The following BMPER variants were observed in gnomAD, a reference collection of about 807,000 sequenced individuals.
BMPER encodes BMP binding endothelial regulator.
Under a neutral mutation model 87.3 loss-of-function variants are expected in BMPER, and 45 were observed. The ratio of observed to expected loss-of-function variants is 0.52; its 90% CI spans 0.41 to 0.66. The LOEUF (loss-of-function observed/expected upper bound fraction) is 0.66, where lower values mean the gene tolerates loss of function less well. Ranked by LOEUF, BMPER falls within the 30% of genes least tolerant of loss-of-function variation. The probability of loss-of-function intolerance (pLI) is 0.00; values close to 1 mark genes in which losing one functional copy is unlikely to be tolerated. For missense variants in BMPER, 784 were observed against 867.5 expected, an observed-to-expected ratio of 0.90 and a Z score of 1.21; for synonymous variants, 326 against 316.2, an observed-to-expected ratio of 1.03 and a Z score of -0.33.
intron 13 of BMPER, among the ~76,000 whole-genome samples, chr7:34,128,587 G>A (rs1233015869): frequency 6.6e-6 from 1 of 152,170 alleles, no homozygotes; most frequent in Admixed American, 6.5e-5. Flanking sequence ...GGCATGATAG[G>A]AATACTTCTG....
chr7:33,978,693 G>A (rs147246758), intron 6 of BMPER, among the ~76,000 whole-genome samples: 21 of 152,232 alleles, frequency 1.4e-4, no homozygotes, highest in African/African-American at 5.1e-4. Flanking sequence ...TCTGATAAAT[G>A]CATTGTAAGT....
chr7:34,132,547 T>C (rs1315350724), intron 13 of BMPER, among the ~76,000 whole-genome samples: 3 of 152,220 alleles, frequency 2.0e-5, no homozygotes, highest in Non-Finnish European at 4.4e-5. Flanking sequence ...CTCTTGGTGT[T>C]TGTTGAGGGG....
chr7:34,151,075 A>T (rs1410755419), intron 14 of BMPER, among the ~76,000 whole-genome samples: 1 of 152,160 alleles, frequency 6.6e-6, no homozygotes, highest in East Asian at 1.9e-4. Context: ...AAGCTAGATA[A>T]TGGCACCAGA....
chr7:34,092,878 G>A (rs1208641684), intron 13 of BMPER, among the ~76,000 whole-genome samples: 1 of 152,136 alleles, frequency 6.6e-6, no homozygotes, highest in African/African-American at 2.4e-5. Context: ...CTTGAAGAAA[G>A]ACAAATACTG....
At chr7:34,029,964 AAAAGGGTCATGTTG>A (rs1172945898) in intron 6 of BMPER, among the ~76,000 whole-genome samples, 1 of 152,106 alleles carries the variant, frequency 6.6e-6, no homozygotes, top group Non-Finnish European at 1.5e-5. Context: ...ATAGAATTGG[AAAAGGGTCATGTTG>A]AAACCTAGAA....
rs775069844 is a variant in BMPER, at chr7:33,905,638, G to A, written c.25G>A (p.Ala9Thr). ...GATGCTCTGGTTCTCCGGCGTCGGG[G>A]CTCTGGCTGAGCGTTACTGCCGCCG... Reference protein sequence around the residue: MLWFSGVGALAERYCRRSP... With the variant: MLWFSGVGTLAERYCRRSP... The change falls in exon 1 of 15, where the codon GCT (alanine) becomes ACT (threonine). Residue 9 changes from alanine to threonine, a missense_variant. By Grantham distance (58) the Ala-to-Thr change is moderately conservative (BLOSUM62 0). Transcript: ENST00000649409. 3 of 1,613,106 alleles carry A rather than the reference G, an allele frequency of 1.9e-6. No homozygotes were observed. The highest frequency in any genetic ancestry group is 2.5e-6 in the Non-Finnish European group (3 of 1,179,924).
chr7:33,920,415 G>A (rs191805299), intron 2 of BMPER, among the ~76,000 whole-genome samples: 977 of 87,482 alleles, frequency 0.011, 9 homozygotes, highest in Non-Finnish European at 0.013. Flanking sequence ...GGGAAACTCC[G>A]TTGTGTTTTT....
intron 3 of BMPER, among the ~76,000 whole-genome samples, chr7:33,963,051 A>G (rs1332487139): frequency 1.3e-5 from 2 of 152,232 alleles, no homozygotes; most frequent in Non-Finnish European, 2.9e-5. Flanking sequence ...TGTAATTTTC[A>G]CATGGCACCT....
chr7:34,143,512 T>TAA, intron 14 of BMPER, 152 bp downstream of exon 14: 1 of 1,203,804 alleles, frequency 8.3e-7, no homozygotes, highest in African/African-American at 1.5e-5. Flanking sequence ...TGCTACTTGA[T>TAA]AAAACACAGG....
chr7:34,070,933 C>T (rs1293103310), intron 11 of BMPER, among the ~76,000 whole-genome samples: 2 of 150,826 alleles, frequency 1.3e-5, no homozygotes, highest in African/African-American at 4.9e-5. Flanking sequence ...TTAAACTTCT[C>T]AGGCTGGCAG....
At chr7:33,989,388 G>A (rs2127924293) in intron 6 of BMPER, among the ~76,000 whole-genome samples, 1 of 151,964 alleles carries the variant, frequency 6.6e-6, no homozygotes, top group South Asian at 2.1e-4. Context: ...TTTTTTTCAT[G>A]TGTTTTTTGG....
chr7:34,133,747 T>C (rs1362159793), intron 13 of BMPER, among the ~76,000 whole-genome samples: 2 of 152,078 alleles, frequency 1.3e-5, no homozygotes, highest in Non-Finnish European at 2.9e-5. Context: ...AGTGTCAGAA[T>C]TGAGTTAAAT....
intron 8 of BMPER, 33 bp from the exon 9 acceptor site, chr7:34,055,129 AT>A (rs1486380230): frequency 1.2e-6 from 2 of 1,613,900 alleles, no homozygotes; most frequent in African/African-American, 2.7e-5. Flanking sequence ...GGCGAAAATC[AT>A]TTTTAATTTC....
At chr7:34,054,300 A>G (rs1788221705) in intron 8 of BMPER, among the ~76,000 whole-genome samples, 1 of 152,188 alleles carries the variant, frequency 6.6e-6, no homozygotes, top group Non-Finnish European at 1.5e-5. Context: ...ATACACACAC[A>G]TACACAATGA....
At chr7:34,132,347 C>T (rs1790614394) in intron 13 of BMPER, among the ~76,000 whole-genome samples, 1 of 151,686 alleles carries the variant, frequency 6.6e-6, no homozygotes, top group South Asian at 2.1e-4. Context: ...CCCACCACAC[C>T]CCAAAGGCCC....
At chr7:33,955,052 C>G (rs1484657418) in intron 3 of BMPER, among the ~76,000 whole-genome samples, 1 of 152,172 alleles carries the variant, frequency 6.6e-6, no homozygotes, top group Non-Finnish European at 1.5e-5. Flanking sequence ...TGCCTGCCAC[C>G]ACACCTGTCT....
chr7:33,952,815 C>A (rs1390739336), intron 3 of BMPER, among the ~76,000 whole-genome samples: 1 of 152,154 alleles, frequency 6.6e-6, no homozygotes, highest in Non-Finnish European at 1.5e-5. Flanking sequence ...TGGAGAGGAA[C>A]CTCATCTTAG....
At chr7:34,026,200 G>C (rs1332347591) in intron 6 of BMPER, among the ~76,000 whole-genome samples, 1 of 152,022 alleles carries the variant, frequency 6.6e-6, no homozygotes, top group African/African-American at 2.4e-5. Flanking sequence ...TGGAAGCTAG[G>C]TTTAGGTTGT....
At chr7:34,031,736 C>T (rs193032187) in intron 6 of BMPER, among the ~76,000 whole-genome samples, 64 of 151,566 alleles carry the variant, frequency 4.2e-4, no homozygotes, top group African/African-American at 1.5e-3. Context: ...ACTTTAAGCA[C>T]ATTGTTGCAT....
Sources: allele counts gnomAD v4.1 joint callset (sites outside exome capture counted in the v4.1 genomes callset), GRCh38; gene constraint gnomAD v4.1.1; transcripts MANE v1.5; gene names NCBI Gene and HGNC (gene_info 2026-07-23, HGNC 2026-07-21).